KDM6A: variants seen among roughly 807,000 people sequenced by gnomAD.
The protein encoded by KDM6A is lysine demethylase 6A.
A neutral mutation model predicts 117.6 loss-of-function variants in KDM6A; 11 were observed. That is an observed-to-expected ratio of 0.09 (90% CI 0.06 to 0.15). The LOEUF (loss-of-function observed/expected upper bound fraction) is 0.15. KDM6A is among the 10% of genes least tolerant of loss of function. The pLI is 1.00. For synonymous variants in KDM6A, 384 were observed against 396.1 expected (o/e 0.97, Z 0.36); for missense variants, 799 against 1,077.3 (o/e 0.74, Z 3.62).
At chrX:44,980,369 A>G (rs1396560280) in intron 4 of KDM6A, among the ~76,000 whole-genome samples, 2 of 111,396 alleles carry the variant, frequency 1.8e-5, no homozygotes, top group East Asian at 5.6e-4. Flanking sequence ...TATAAAGTGC[A>G]GAAACGGTAT....
At chrX:44,886,569 A>G (rs979357719) in intron 2 of KDM6A, among the ~76,000 whole-genome samples, 2 of 104,921 alleles carry the variant, frequency 1.9e-5, no homozygotes, top group African/African-American at 7.1e-5. Context: ...GGCTCACTGC[A>G]AATTCTGCCT....
intron 2 of KDM6A, among the ~76,000 whole-genome samples, chrX:44,928,205 AAAAGTGAT>A (rs1419423590): frequency 2.7e-5 from 3 of 112,406 alleles, no homozygotes; most frequent in Non-Finnish European, 5.6e-5. Context: ...TAAATTTCTG[AAAAGTGAT>A]AACTACATTG....
rs778789602 is a variant in KDM6A, at chrX:44,874,182, C to G, written c.225+195C>G. Among the ~76,000 whole-genome samples, 3 of 111,780 alleles carry G rather than the reference C, an allele frequency of 2.7e-5. No individual in the cohort carries two copies. In the East Asian group the frequency reaches 8.5e-4, roughly 32 times the overall value. On this transcript the variant is annotated intron_variant, in intron 2 of 29. Coordinates refer to ENST00000611820, the MANE Select transcript of KDM6A (RefSeq NM_001291415.2). ...GCTCCCTTGCGAAATCGCTCTTTTC[C>G]TCTTGTAGCTGGAGGAACAGAGACG...
chrX:44,875,448 A>C (rs1051394690), intron 2 of KDM6A, among the ~76,000 whole-genome samples: 2 of 111,794 alleles, frequency 1.8e-5, no homozygotes, highest in African/African-American at 6.5e-5. Flanking sequence ...AACTTGAATT[A>C]AACTTTGACT....
intron 27 of KDM6A, among the ~76,000 whole-genome samples, chrX:45,101,076 A>G (rs1291063637): frequency 1.8e-5 from 2 of 110,828 alleles, no homozygotes; most frequent in Admixed American, 9.6e-5. Context: ...TGTGATCACT[A>G]TGTGTTCGAT....
At chrX:44,889,012 G>A (rs2033126382) in intron 2 of KDM6A, among the ~76,000 whole-genome samples, 1 of 111,717 alleles carries the variant, frequency 9.0e-6, no homozygotes, top group Admixed American at 9.6e-5. Flanking sequence ...TTGAAAGTAA[G>A]CATTTATTTA....
At position 45,082,614 on chromosome X, in the gene KDM6A, A is replaced by T; in HGVS notation, c.3339A>T (p.Ser1113=). The T allele has an allele frequency of 1.7e-6, 2 of 1,194,721 alleles. No homozygotes were observed. The highest frequency in any genetic ancestry group is 1.1e-6 in the Non-Finnish European group (1 of 880,903). Residue 1113 remains serine, a synonymous_variant, in exon 22 of 30, where the codon TCA becomes TCT. Transcript: ENST00000611820. The stretch of plus-strand genomic sequence containing the variant: ...AAAGAAGTCATCATAAAGACCACTC[A>T]GATAGTGAATCTACATCGTCAGATA... ...NEKRSHHKDH[S]DSESTSSDNS...
intron 2 of KDM6A, among the ~76,000 whole-genome samples, chrX:44,915,818 A>T (rs971930249): frequency 3.6e-5 from 4 of 111,650 alleles, no homozygotes; most frequent in African/African-American, 1.3e-4. Context: ...ATTTGACTTG[A>T]TAATGACCCC....
At chrX:45,090,469 G>T (rs1215796672) in intron 26 of KDM6A, among the ~76,000 whole-genome samples, 1 of 111,849 alleles carries the variant, frequency 8.9e-6, no homozygotes, top group Non-Finnish European at 1.9e-5. Flanking sequence ...AATTAATAAG[G>T]TGATGGTGAA....
At position 45,110,171 on chromosome X, in the gene KDM6A, C is replaced by T. The variant is rs377465023; in HGVS notation, c.4254C>T (p.Ser1418=). The part of the protein sequence containing the change: ...VHCQDCARKT[S]GNLENFVVLE... ...GCCAAGATTGTGCACGAAAAACAAG[C>T]GGAAACTTGGAAAACTTTGTGGTGC... The change falls in exon 29 of 30, where the codon AGC becomes AGT. Residue 1418 remains serine, a synonymous_variant. Coordinates refer to ENST00000611820, the MANE Select transcript of KDM6A (RefSeq NM_001291415.2). The T allele has an allele frequency of 2.7e-5, 33 of 1,208,390 alleles. No individual in the cohort carries two copies. Among genetic ancestry groups the T allele is most frequent in the Non-Finnish European group, 3.6e-5 (32 of 894,037 alleles).
chrX:44,943,805 A>G (rs780989581), intron 2 of KDM6A, among the ~76,000 whole-genome samples: 1 of 111,600 alleles, frequency 9.0e-6, no homozygotes, highest in East Asian at 2.8e-4. Flanking sequence ...TGGGTTATAT[A>G]TTTAGGAGTG....
chrX:45,097,470 C>A (rs1381439463), intron 27 of KDM6A, among the ~76,000 whole-genome samples: 1 of 111,435 alleles, frequency 9.0e-6, no homozygotes, highest in Non-Finnish European at 1.9e-5. Flanking sequence ...AGTATTTCAG[C>A]ACTAAAACAT....
At chrX:45,061,640 C>T (rs1282102169) in intron 15 of KDM6A, among the ~76,000 whole-genome samples, 1 of 107,830 alleles carries the variant, frequency 9.3e-6, no homozygotes, top group Admixed American at 1.0e-4. Context: ...TACAGGCACG[C>T]ACCATCACAC....
chrX:44,978,963 A>G (rs1027714139), intron 4 of KDM6A, among the ~76,000 whole-genome samples: 5 of 112,363 alleles, frequency 4.4e-5, no homozygotes, highest in African/African-American at 1.3e-4. Context: ...CATAGAATGG[A>G]TATGCCACAG....
In KDM6A at chrX:45,090,754, C is replaced by T. The variant is rs61761609; in HGVS notation, c.3924C>T (p.Tyr1308=). 19 of 1,206,007 alleles carry T rather than the reference C, an allele frequency of 1.6e-5. No homozygotes were observed. In the South Asian group the frequency reaches 2.3e-4, roughly 15 times the overall value. ...AGTATAAATTGGCAGTGGAACGGTA[C>T]GAATGGAACAAATTGCAAAGTGTGA... The part of the protein sequence containing the change: ...ACQYKLAVER[Y]EWNKLQSVKS... The change falls in exon 27 of 30, where the codon TAC becomes TAT. Residue 1308 remains tyrosine, a synonymous_variant. Transcript: ENST00000611820.
At chrX:45,020,831 A>G (rs2042145162) in intron 6 of KDM6A, 101 bp downstream of exon 6, 3 of 961,901 alleles carry the variant, frequency 3.1e-6, no homozygotes, top group South Asian at 4.2e-5. Context: ...TGGAATTTAT[A>G]TTGGCACTTT....
At chrX:45,111,350 A>G (rs1422686619) in intron 29 of KDM6A, 32 bp from the exon 30 acceptor site, 2 of 1,139,909 alleles carry the variant, frequency 1.8e-6, no homozygotes, top group African/African-American at 3.6e-5. Context: ...CAATTTGTAT[A>G]TCAAAATAAC....
chrX:45,109,196 A>G (rs2148299809), intron 28 of KDM6A, among the ~76,000 whole-genome samples: 1 of 109,480 alleles, frequency 9.1e-6, no homozygotes, highest in African/African-American at 3.3e-5. Flanking sequence ...AAAAAAAGTT[A>G]TTTTAAGGCC....
chrX:44,949,308 C>T (rs1569473808), intron 2 of KDM6A, among the ~76,000 whole-genome samples: 2 of 111,219 alleles, frequency 1.8e-5, no homozygotes, highest in South Asian at 3.8e-4. Flanking sequence ...GGCAGTGGAT[C>T]GCTTGAGCCT....
Sources: allele counts gnomAD v4.1 joint callset (sites outside exome capture counted in the v4.1 genomes callset), GRCh38; gene constraint gnomAD v4.1.1; transcripts MANE v1.5; gene names NCBI Gene and HGNC (gene_info 2026-07-23, HGNC 2026-07-21).